Variants in KCNG3 observed in about 807,000 individuals in gnomAD.
KCNG3 encodes potassium voltage-gated channel modifier subfamily G member 3, also known as voltage-gated potassium channel regulatory subunit KCNG3.
In KCNG3, 15 loss-of-function variants were observed where a neutral mutation model predicts 29.0. The ratio of observed to expected loss-of-function variants is 0.52; its 90% CI spans 0.35 to 0.80. The LOEUF (loss-of-function observed/expected upper bound fraction) is 0.80, where lower values mean the gene tolerates loss of function less well. Among genes scored for constraint, KCNG3 ranks in the 30% least tolerant of loss-of-function variants. The probability of loss-of-function intolerance (pLI) is 0.01; values close to 1 mark genes in which losing one functional copy is unlikely to be tolerated. For synonymous variants in KCNG3, 322 were observed against 248.9 expected (o/e 1.29, Z -2.76); for missense variants, 512 against 605.7 (o/e 0.85, Z 1.62).
intron 1 of KCNG3, among the ~76,000 whole-genome samples, chr2:42,482,030 C>T (rs1429273258): frequency 6.6e-6 from 1 of 152,126 alleles, no homozygotes; most frequent in Non-Finnish European, 1.5e-5. Context: ...CACTATGTTG[C>T]CCAGGCTGGC....
chr2:42,489,872 G>A (rs1449812737), intron 1 of KCNG3, among the ~76,000 whole-genome samples: 1 of 152,156 alleles, frequency 6.6e-6, no homozygotes, highest in Non-Finnish European at 1.5e-5. Flanking sequence ...TTCCAGAGTT[G>A]TCATTTCTCC....
At chr2:42,492,034 G>C (rs1417311727) in intron 1 of KCNG3, among the ~76,000 whole-genome samples, 1 of 152,060 alleles carries the variant, frequency 6.6e-6, no homozygotes, top group East Asian at 1.9e-4. Flanking sequence ...ACCACTTCAA[G>C]GTAAGACAGT....
intron 1 of KCNG3, among the ~76,000 whole-genome samples, chr2:42,483,952 C>T (rs1053763751): frequency 3.9e-5 from 6 of 152,060 alleles, no homozygotes; most frequent in Non-Finnish European, 8.8e-5. Context: ...TCACCACACC[C>T]GGCTAAATTT....
At chr2:42,418,699 C>T in the KCNG3 span, among the ~76,000 whole-genome samples, 1 of 152,022 alleles carries the variant, frequency 6.6e-6, no homozygotes, top group Non-Finnish European at 1.5e-5. Flanking sequence ...ATAAATTTTA[C>T]CATCTTAACT....
chr2:42,392,236 C>T, the KCNG3 span, among the ~76,000 whole-genome samples: 1 of 152,088 alleles, frequency 6.6e-6, no homozygotes, highest in Non-Finnish European at 1.5e-5. Context: ...GTTTGTCTCC[C>T]GTCTGCTCTT....
At chr2:42,392,777 A>G in the KCNG3 span, among the ~76,000 whole-genome samples, 2 of 152,118 alleles carry the variant, frequency 1.3e-5, no homozygotes, top group African/African-American at 4.8e-5. Flanking sequence ...GCAATGATCT[A>G]GTAAGCTTCA....
chr2:42,404,805 G>C, the KCNG3 span, among the ~76,000 whole-genome samples: 261 of 152,254 alleles, frequency 1.7e-3, no homozygotes, highest in Non-Finnish European at 3.1e-3. Flanking sequence ...CTGAGTTCAA[G>C]TATACACGGC....
At chr2:42,430,367 TAAATAAA>T in the KCNG3 span, among the ~76,000 whole-genome samples, 4 of 26,296 alleles carry the variant, frequency 1.5e-4, no homozygotes, top group East Asian at 5.0e-3. Context: ...GTCTTAAAAA[TAAATAAA>T]TAAATAAATA....
At chr2:42,441,945 C>G (rs1672495953), downstream of KCNG3, 1 of 151,804 alleles carries the variant, frequency 6.6e-6, no homozygotes, top group Non-Finnish European at 1.5e-5. Flanking sequence ...AGGATCCCAG[C>G]TCTCAAGACA....
At chr2:42,481,674 C>T (rs916192248) in intron 1 of KCNG3, among the ~76,000 whole-genome samples, 9 of 152,162 alleles carry the variant, frequency 5.9e-5, no homozygotes, top group East Asian at 1.9e-4. Context: ...TGCCTTCCCC[C>T]GCATTCCCCA....
At chr2:42,392,522 G>A in the KCNG3 span, among the ~76,000 whole-genome samples, 2 of 152,158 alleles carry the variant, frequency 1.3e-5, no homozygotes, top group Admixed American at 6.5e-5. Context: ...TTCAGTCTAG[G>A]TCCTACTGCT....
At chr2:42,464,976 C>T (rs1240521084) in intron 1 of KCNG3, among the ~76,000 whole-genome samples, 1 of 152,074 alleles carries the variant, frequency 6.6e-6, no homozygotes, top group Non-Finnish European at 1.5e-5. Context: ...AAATACGTTG[C>T]TTGACTAAAT....
chr2:42,445,820 G>A (rs559652332), intron 1 of KCNG3, among the ~76,000 whole-genome samples: 27 of 151,978 alleles, frequency 1.8e-4, no homozygotes, highest in Non-Finnish European at 2.6e-4. Flanking sequence ...TCTGCCTCCC[G>A]GGTTTAAGCA....
At chr2:42,391,975 C>T in the KCNG3 span, among the ~76,000 whole-genome samples, 2 of 152,142 alleles carry the variant, frequency 1.3e-5, no homozygotes, top group Non-Finnish European at 2.9e-5. Context: ...GCACTCATAT[C>T]AGTATCTTAA....
chr2:42,426,353 A>G, the KCNG3 span, among the ~76,000 whole-genome samples: 1 of 152,192 alleles, frequency 6.6e-6, no homozygotes, highest in Non-Finnish European at 1.5e-5. Context: ...CCTACCAAAC[A>G]ACATAATTAT....
chr2:42,484,244 C>T (rs1019880157), intron 1 of KCNG3, among the ~76,000 whole-genome samples: 14 of 151,930 alleles, frequency 9.2e-5, no homozygotes, highest in Non-Finnish European at 1.9e-4. Flanking sequence ...GGTGGATCAC[C>T]TGAGGTCAGG....
chr2:42,470,414 G>C (rs1330838381), intron 1 of KCNG3: 2 of 208,092 alleles, frequency 9.6e-6, no homozygotes, highest in African/African-American at 4.8e-5. Flanking sequence ...GCTCACGCCT[G>C]TACTCCAGAC....
At chr2:42,413,980 C>A in the KCNG3 span, among the ~76,000 whole-genome samples, 2 of 152,186 alleles carry the variant, frequency 1.3e-5, no homozygotes, top group Non-Finnish European at 2.9e-5. Flanking sequence ...TAAAGCTAAC[C>A]AGTATTTCTG....
the KCNG3 span, among the ~76,000 whole-genome samples, chr2:42,435,602 G>A: frequency 6.6e-6 from 1 of 152,118 alleles, no homozygotes; most frequent in Admixed American, 6.6e-5. Context: ...TTTAAGGGCA[G>A]GGGTTTAAGT....
Sources: gnomAD v4.1 joint callset for allele counts (sites outside exome capture counted in the v4.1 genomes callset) on GRCh38, gnomAD v4.1.1 for gene constraint, MANE v1.5 for transcripts, NCBI Gene and HGNC (gene_info 2026-07-23, HGNC 2026-07-21) for gene names.